The following SEMA6C variants were observed in gnomAD, a reference collection of about 807,000 sequenced individuals.
SEMA6C encodes the protein semaphorin 6C.
Under a neutral mutation model 72.9 loss-of-function variants are expected in SEMA6C, and 37 were observed. The ratio of observed to expected loss-of-function variants is 0.51; its 90% CI spans 0.39 to 0.67. The LOEUF (loss-of-function observed/expected upper bound fraction) is 0.67. Ranked by LOEUF, SEMA6C falls within the 30% of genes least tolerant of loss-of-function variation. The probability of loss-of-function intolerance (pLI) is 0.00; values close to 1 mark genes in which losing one functional copy is unlikely to be tolerated. For missense variants in SEMA6C, 1,189 were observed against 1,263.6 expected, an observed-to-expected ratio of 0.94 and a Z score of 0.89; for synonymous variants, 578 against 554.1, an observed-to-expected ratio of 1.04 and a Z score of -0.61.
rs1033387175 is a variant in SEMA6C, at chr1:151,145,701, G to T, written c.-105+732C>A. On this transcript the variant is annotated intron_variant, in intron 1 of 18. Transcript: ENST00000368914. This position sits in a 1 kb window ranked among gnomAD's most constrained non-coding sequence, Gnocchi z 4.4. Reference sequence around the variant, plus strand: ...AGACGAAGAGGGGATAGGAGCGGGGGTTGGGGAGCGGAGGCGGGTCTCCCA... The same window carrying T: ...AGACGAAGAGGGGATAGGAGCGGGGTTTGGGGAGCGGAGGCGGGTCTCCCA... The T allele has an allele frequency of 6.5e-6, 1 of 153,986 alleles. No individual in the cohort carries two copies. Among genetic ancestry groups the T allele is most frequent in the African/African-American group, 2.4e-5 (1 of 41,502 alleles). 9.5% of individuals were successfully genotyped at this position (153,986 alleles called of 1,614,324 possible).
At chr1:151,134,565 G>A in intron 17 of SEMA6C, 55 bp downstream of exon 17, 1 of 1,608,452 alleles carries the variant, frequency 6.2e-7, no homozygotes, top group Non-Finnish European at 8.5e-7. Flanking sequence ...GGTGTCTGTG[G>A]CCATCATGGC....
In SEMA6C at chr1:151,138,380, C is replaced by T. The variant is rs749181923; in HGVS notation, c.483G>A (p.Glu161=). The T allele has an allele frequency of 1.2e-6, 2 of 1,613,962 alleles. No homozygotes were observed. Among genetic ancestry groups the T allele is most frequent in the Non-Finnish European group, 1.7e-6 (2 of 1,179,904 alleles). The stretch of plus-strand genomic sequence containing the variant: ...GGCATCGAGCCTGCCCACTCAGTTC[C>T]TCACCCTCCTGCTGCAGCGAAGTTA... The part of the protein sequence containing the change: ...YGITSLQQEG[E]ELSGQARCPF... The change falls in exon 8 of 19, where the codon GAG becomes GAA. Residue 161 remains glutamate, a synonymous_variant. Coordinates refer to ENST00000368914, the MANE Select transcript of SEMA6C (RefSeq NM_030913.6).
chr1:151,132,365 G>T lies in SEMA6C; in HGVS notation c.*119C>A. On this transcript the variant is annotated 3_prime_UTR_variant, in exon 19 of 19. Transcript: ENST00000368914. ...GCGAAAAGGGGCCTCGGGAGACTCT[G>T]CGAGTCGGGAAGGCTGGAGGTGCGG... 1 of 1,534,118 alleles carries T rather than the reference G, an allele frequency of 6.5e-7. No homozygotes were observed. The highest frequency in any genetic ancestry group is 8.8e-7 in the Non-Finnish European group (1 of 1,138,882).
Position 151,135,584 on chromosome 1 carries a change from G to C in SEMA6C, c.1433+7C>G. 1 of 1,609,162 alleles carries C rather than the reference G, an allele frequency of 6.2e-7. No homozygotes were observed. On this transcript the variant is annotated splice_region_variant and intron_variant, in intron 14 of 18. Transcript: ENST00000368914. ...TTTGCAGGGGGCCTGCCCTCCAAAG[G>C]CCTCACCGGGCAGGGCTGTAGGCAT...
intron 3 of SEMA6C, 64 bp from the exon 4 acceptor site, chr1:151,140,154 C>A: frequency 7.4e-7 from 1 of 1,351,398 alleles, no homozygotes; most frequent in Non-Finnish European, 1.0e-6. Context: ...CCTCTCCAAC[C>A]AGATGAAACC....
At chr1:151,142,701 G>A (rs1682649950) in intron 2 of SEMA6C, 26 bp from the exon 3 acceptor site, 2 of 1,266,080 alleles carry the variant, frequency 1.6e-6, no homozygotes, top group Non-Finnish European at 2.1e-6. Context: ...GGGAAAAGTG[G>A]GGGAGGAGCG....
intron 4 of SEMA6C, 85 bp downstream of exon 4, chr1:151,139,891 G>T: frequency 2.2e-6 from 3 of 1,358,680 alleles, no homozygotes; most frequent in Non-Finnish European, 3.1e-6. Context: ...TGTGTCCCCT[G>T]CAAGATGCTA....
Position 151,132,383 on chromosome 1 carries a change from AG to A in SEMA6C, c.*100del, listed in dbSNP as rs760576843. On this transcript the variant is annotated 3_prime_UTR_variant, in exon 19 of 19. Transcript: ENST00000368914. ...AGACTCTGCGAGTCGGGAAGGCTGGAGGTGCGGGGCGAGGGGGCGGTGAAAC... is the reference window on the plus strand; with the variant it reads ...AGACTCTGCGAGTCGGGAAGGCTGGAGTGCGGGGCGAGGGGGCGGTGAAAC... 7 of 1,528,112 alleles carry A rather than the reference AG, an allele frequency of 4.6e-6. No homozygotes were observed. The highest frequency in any genetic ancestry group is 6.2e-6 in the Non-Finnish European group (7 of 1,135,610). 94.7% of individuals were successfully genotyped at this position (1,528,112 alleles called of 1,614,324 possible). A position where few individuals can be genotyped will look rare whatever the true frequency, so the allele number is the denominator to read the frequency against.
Position 151,132,577 on chromosome 1 carries a change from C to G in SEMA6C, c.2700G>C (p.Val900=). 6.4e-7 allele frequency: 1 copy of G among 1,551,674 alleles called. No homozygotes were observed. Among genetic ancestry groups the G allele is most frequent in the Non-Finnish European group, 8.7e-7 (1 of 1,147,408 alleles). ...GGGACAACTGGGGCTTCTCGACGTC[C>G]ACCCTTTTCAGGGCGCGGCCCCGGT... ...EGYRGRALKR[V]DVEKPQLSLK... is the part of the protein sequence containing the mutation. The change falls in exon 19 of 19, where the codon GTG becomes GTC. Residue 900 remains valine (V), a synonymous_variant. Transcript: ENST00000368914.
intron 3 of SEMA6C, among the ~76,000 whole-genome samples, chr1:151,141,464 A>C (rs1299141166): frequency 6.6e-6 from 1 of 152,090 alleles, no homozygotes; most frequent in African/African-American, 2.4e-5. Context: ...TGCTAGAGTG[A>C]AATGGCGCGA....
Position 151,133,566 on chromosome 1 carries a change from G to C in SEMA6C, c.1760-49C>G, listed in dbSNP as rs1182606356. On this transcript the variant is annotated intron_variant, in intron 18 of 18. Coordinates refer to ENST00000368914, the MANE Select transcript of SEMA6C (RefSeq NM_030913.6). This position sits in a 1 kb window ranked among gnomAD's most constrained non-coding sequence, Gnocchi z 5.9. ...AGGCTCAGCCAAGGGGAGGCGGTGC[G>C]GGGTACCTAGGCCCAGAGGCGCCGG... 2.8e-6 allele frequency: 4 copies of C among 1,452,228 alleles called. No individual in the cohort carries two copies. The African/African-American group carries it at 5.7e-5, about 21-fold the overall frequency. 90.0% of individuals were successfully genotyped at this position (1,452,228 alleles called of 1,614,324 possible).
chr1:151,132,064 C>G lies in SEMA6C; in HGVS notation c.*420G>C, dbSNP rs1242820428. The G allele has an allele frequency of 2.1e-5, 11 of 527,156 alleles. 1 individual carries two copies. The highest frequency in any genetic ancestry group is 1.6e-4 in the South Asian group (8 of 49,518). 32.7% of individuals were successfully genotyped at this position (527,156 alleles called of 1,614,324 possible). A position where few individuals can be genotyped will look rare whatever the true frequency, so the allele number is the denominator to read the frequency against. The stretch of plus-strand genomic sequence containing the variant: ...TGAAGTCAGGCAGTGGCTGCAGACA[C>G]GGCTGTATTGGGAAGCGGAGGCTCC... On this transcript the variant is annotated 3_prime_UTR_variant, in exon 19 of 19. Coordinates refer to ENST00000368914, the MANE Select transcript of SEMA6C (RefSeq NM_030913.6).
Position 151,138,364 on chromosome 1 carries a change from C to T in SEMA6C, c.499G>A (p.Ala167Thr). 6.2e-7 allele frequency: 1 copy of T among 1,614,054 alleles called. No individual in the cohort carries two copies. Among genetic ancestry groups the T allele is most frequent in the Non-Finnish European group, 8.5e-7 (1 of 1,179,942 alleles). ...QQEGEELSGQ[A>T]RCPFDATQSN... ...TGGGTGGCATCAAAGGGGCATCGAGCCTGCCCACTCAGTTCCTCACCCTCC... is the reference window on the plus strand; with the variant it reads ...TGGGTGGCATCAAAGGGGCATCGAGTCTGCCCACTCAGTTCCTCACCCTCC... Residue 167 changes from alanine (A) to threonine (T), a missense_variant, in exon 8 of 19, where the codon GCT (alanine) becomes ACT (threonine). By Grantham distance (58) the Ala-to-Thr change is moderately conservative (BLOSUM62 0). Transcript: ENST00000368914.
At chr1:151,137,624 T>G (rs1312581439) in intron 10 of SEMA6C, 87 bp downstream of exon 10, 3 of 1,076,832 alleles carry the variant, frequency 2.8e-6, no homozygotes, top group Non-Finnish European at 4.2e-6. Flanking sequence ...GTGGAGATTA[T>G]GGTCAGGAGA....
Position 151,133,490 on chromosome 1 carries a change from G to A in SEMA6C, c.1787C>T (p.Ser596Leu). Reference sequence around the variant, plus strand: ...TGGGATGGGGACGGAGCGGGAGGCCGAGGCTGGGGGCAGGTCCCGGCGCAC... The same window carrying A: ...TGGGATGGGGACGGAGCGGGAGGCCAAGGCTGGGGGCAGGTCCCGGCGCAC... Reference protein sequence around the residue: ...YGVRRDLPPASASRSVPIPLL... With the variant: ...YGVRRDLPPALASRSVPIPLL... The change falls in exon 19 of 19, where the codon TCG (serine) becomes TTG (leucine). Residue 596 changes from serine to leucine, a missense_variant. This residue lies in a region of SEMA6C where 721 missense variants were observed against 686.2 expected (regional missense o/e 1.05). Transcript: ENST00000368914. The surrounding 1 kb of genome is among the most constrained non-coding windows in gnomAD (Gnocchi z 5.9). 6.5e-7 allele frequency: 1 copy of A among 1,532,808 alleles called. No homozygotes were observed. The highest frequency in any genetic ancestry group is 8.7e-7 in the Non-Finnish European group (1 of 1,143,922). The allele number at this position is 1,532,808 out of a possible 1,614,324, so 95.0% of individuals were successfully genotyped here.
rs1681590166 is a variant in SEMA6C, at chr1:151,132,232, G to C, written c.*252C>G. On this transcript the variant is annotated 3_prime_UTR_variant, in exon 19 of 19. Coordinates refer to ENST00000368914, the MANE Select transcript of SEMA6C (RefSeq NM_030913.6). ...TTGGCTGGAAGGGAGCGGGGAGTGG[G>C]AGTCCGCCAGCTCCCCCTGAAATGC... The C allele has an allele frequency of 6.6e-7, 1 of 1,511,838 alleles. No individual in the cohort carries two copies. Among genetic ancestry groups the C allele is most frequent in the Non-Finnish European group, 8.8e-7 (1 of 1,132,200 alleles). The allele number at this position is 1,511,838 out of a possible 1,614,324, so 93.7% of individuals were successfully genotyped here. A position where few individuals can be genotyped will look rare whatever the true frequency, so the allele number is the denominator to read the frequency against.
At position 151,142,609 on chromosome 1, in the gene SEMA6C, G is replaced by T. The variant is rs1352619295; in HGVS notation, c.13C>A (p.Pro5Thr). MPRA[P>T]HFMPLLLLLL... Reference sequence around the variant, plus strand: ...AGTAGCAGCAAGGGCATGAAGTGGGGGGCACGGGGCATCCTGTGCGGGGCA... The same window carrying T: ...AGTAGCAGCAAGGGCATGAAGTGGGTGGCACGGGGCATCCTGTGCGGGGCA... Residue 5 changes from proline (P) to threonine (T), a missense_variant, in exon 3 of 19, where the codon CCC (proline) becomes ACC (threonine). By Grantham distance (38) the Pro-to-Thr change is conservative. Coordinates refer to ENST00000368914, the MANE Select transcript of SEMA6C (RefSeq NM_030913.6). 1.3e-6 allele frequency: 2 copies of T among 1,585,950 alleles called. No homozygotes were observed. Among genetic ancestry groups the T allele is most frequent in the South Asian group, 2.3e-5 (2 of 85,874 alleles).
intron 3 of SEMA6C, 59 bp from the exon 4 acceptor site, chr1:151,140,149 C>G: frequency 7.0e-7 from 1 of 1,421,760 alleles, no homozygotes; most frequent in East Asian, 2.4e-5. Context: ...AACACCCTCT[C>G]CAACCAGATG....
Position 151,139,056 on chromosome 1 carries a change from G to GCACTC in SEMA6C, c.355-330_355-326dup, listed in dbSNP as rs587671167. On this transcript the variant is annotated intron_variant, in intron 6 of 18. Coordinates refer to ENST00000368914, the MANE Select transcript of SEMA6C (RefSeq NM_030913.6). Reference sequence around the variant, plus strand: ...TGCAGTGAGCCAAGATCGTGCCATTGCACTCCAGTCTGGGCAACAGACTGA... The same window carrying GCACTC: ...TGCAGTGAGCCAAGATCGTGCCATTGCACTCCACTCCAGTCTGGGCAACAGACTGA... Among the ~76,000 whole-genome samples the GCACTC allele has an allele frequency of 8.3e-4, 121 of 144,998 alleles. 1 individual carries two copies. The East Asian group carries it at 1.0e-2, about 12-fold the overall frequency.
Sources: gnomAD v4.1 joint callset for allele counts (sites outside exome capture counted in the v4.1 genomes callset) on GRCh38, gnomAD v4.1.1 for gene constraint, gnomAD v4.1.1 regional missense constraint, Gnocchi (gnomAD v3.1) non-coding constraint, MANE v1.5 for transcripts, NCBI Gene and HGNC (gene_info 2026-07-23, HGNC 2026-07-21) for gene names.